The following NCKAP1L variants were observed in gnomAD, a reference collection of about 807,000 sequenced individuals.
NCKAP1L encodes nck-associated protein 1-like.
Under a neutral mutation model 139.2 loss-of-function variants are expected in NCKAP1L, and 53 were observed. That is an observed-to-expected ratio of 0.38 (90% CI 0.31 to 0.48). The LOEUF is 0.48. Ranked by LOEUF, NCKAP1L falls within the 20% of genes least tolerant of loss-of-function variation. The pLI, the probability that NCKAP1L is intolerant of heterozygous loss-of-function variation, is 0.98. For synonymous variants in NCKAP1L, 468 were observed against 499.7 expected, an observed-to-expected ratio of 0.94 and a Z score of 0.85; for missense variants, 1,151 against 1,381.9, an observed-to-expected ratio of 0.83 and a Z score of 2.65.
chr12:54,542,763 C>G lies in NCKAP1L; in HGVS notation c.*78C>G. ...ATAGTGGAAGCTGTGGTCACTTTCG[C>G]AGGGGGTGGGAATGGGGTGGGGTCA... is the stretch of plus-strand genomic sequence containing the variant. On this transcript the variant is annotated 3_prime_UTR_variant, in exon 31 of 31. Coordinates refer to ENST00000293373, the MANE Select transcript of NCKAP1L (RefSeq NM_005337.5). 3 of 777,608 alleles carry G rather than the reference C, an allele frequency of 3.9e-6. No individual in the cohort carries two copies. The highest frequency in any genetic ancestry group is 3.2e-5 in the East Asian group (1 of 31,660). The allele number at this position is 777,608 out of a possible 1,614,324, so 48.2% of individuals were successfully genotyped here.
intron 13 of NCKAP1L, 60 bp from the exon 14 acceptor site, chr12:54,518,591 C>T (rs1956953170): frequency 7.9e-7 from 1 of 1,271,304 alleles, no homozygotes; most frequent in African/African-American, 1.5e-5. Context: ...GCCTCATGGT[C>T]CTAGTTTCTG....
chr12:54,527,622 T>G (rs1317248776), intron 21 of NCKAP1L, among the ~76,000 whole-genome samples: 1 of 152,220 alleles, frequency 6.6e-6, no homozygotes, highest in Non-Finnish European at 1.5e-5. Flanking sequence ...TGTCAGCCGT[T>G]TCAGCGTAAA....
chr12:54,509,106 C>T (rs747232307), intron 5 of NCKAP1L, among the ~76,000 whole-genome samples: 1 of 152,064 alleles, frequency 6.6e-6, no homozygotes, highest in Non-Finnish European at 1.5e-5. Context: ...GTAACTAATG[C>T]GTGATAATAC....
intron 21 of NCKAP1L, among the ~76,000 whole-genome samples, chr12:54,527,476 A>G (rs1409965654): frequency 6.6e-6 from 1 of 152,136 alleles, no homozygotes; most frequent in Non-Finnish European, 1.5e-5. Context: ...TACCCCTCTA[A>G]AGGGAACAGC....
At chr12:54,498,926 T>TATTTA (rs1956773400) in intron 1 of NCKAP1L, 1 of 357,954 alleles carries the variant, frequency 2.8e-6, no homozygotes, top group African/African-American at 2.3e-5. Context: ...TTTATTTATT[T>TATTTA]ATTTATTTAT....
In NCKAP1L at chr12:54,526,671, G is replaced by A. The variant is rs1387544081; in HGVS notation, c.2300G>A (p.Arg767His). ...FLGADASRVI[R>H]NALLQQTQPL... is the part of the protein sequence containing the mutation. ...GGTGCAGATGCTTCCAGAGTCATCC[G>A]CAACGCCCTCCTGCAGCAGACACAA... Residue 767 changes from arginine (R) to histidine (H), a missense_variant, in exon 21 of 31, where the codon CGC (arginine) becomes CAC (histidine). Physicochemically the swap from Arg to His is conservative, Grantham distance 29. Transcript: ENST00000293373. 7 of 1,614,084 alleles carry A rather than the reference G, an allele frequency of 4.3e-6. No homozygotes were observed. The highest frequency in any genetic ancestry group is 5.9e-6 in the Non-Finnish European group (7 of 1,180,022).
rs542965883 is a variant in NCKAP1L, at chr12:54,532,061, G to T, written c.2782-109G>T. 10 of 905,092 alleles carry T rather than the reference G, an allele frequency of 1.1e-5. No homozygotes were observed. In the East Asian group the frequency reaches 2.4e-4, roughly 22 times the overall value. The allele number at this position is 905,092 out of a possible 1,614,324, so 56.1% of individuals were successfully genotyped here. On this transcript the variant is annotated intron_variant, in intron 25 of 30. Coordinates refer to ENST00000293373, the MANE Select transcript of NCKAP1L (RefSeq NM_005337.5). ...AGGGATGGCTTGGAAAGCTGGCTAG[G>T]TTCTTATCTAAATTGAGTGCCCCTC... is the stretch of plus-strand genomic sequence containing the variant.
At position 54,519,289 on chromosome 12, in the gene NCKAP1L, G is replaced by A. The variant is rs771766104; in HGVS notation, c.1582G>A (p.Val528Ile). Residue 528 changes from valine (V) to isoleucine (I), a missense_variant, in exon 16 of 31, where the codon GTA (valine) becomes ATA (isoleucine). By Grantham distance (29) the Val-to-Ile change is conservative. Coordinates refer to ENST00000293373, the MANE Select transcript of NCKAP1L (RefSeq NM_005337.5). Reference sequence around the variant, plus strand: ...CTTCCACTCCCGAATGCTGGACTCCGTAGAAAAATTGCTGGTGGAAACTTC... The same window carrying A: ...CTTCCACTCCCGAATGCTGGACTCCATAGAAAAATTGCTGGTGGAAACTTC... ...IVFHSRMLDS[V>I]EKLLVETSDL... The A allele has an allele frequency of 1.7e-5, 27 of 1,585,478 alleles. No homozygotes were observed. Among genetic ancestry groups the A allele is most frequent in the Middle Eastern group, 1.7e-4 (1 of 5,946 alleles).
intron 29 of NCKAP1L, among the ~76,000 whole-genome samples, chr12:54,537,376 T>C (rs543130807): frequency 6.6e-6 from 1 of 152,324 alleles, no homozygotes; most frequent in Non-Finnish European, 1.5e-5. Flanking sequence ...TATTTTCATA[T>C]ATAAAACAGT....
In NCKAP1L at chr12:54,545,551, T is replaced by G. The variant is rs1395804782; in HGVS notation, c.*2866T>G. 1 of 152,206 alleles carries G rather than the reference T, an allele frequency of 6.6e-6. No individual in the cohort carries two copies. Among genetic ancestry groups the G allele is most frequent in the African/African-American group, 2.4e-5 (1 of 41,454 alleles). 9.4% of individuals were successfully genotyped at this position (152,206 alleles called of 1,614,324 possible). On this transcript the variant is annotated 3_prime_UTR_variant, in exon 31 of 31. Coordinates refer to ENST00000293373, the MANE Select transcript of NCKAP1L (RefSeq NM_005337.5). The stretch of plus-strand genomic sequence containing the variant: ...GTCCAGAGGTGAAGGGACAGAGAAG[T>G]AACAGGACCCATCAGCATTTCAGGC...
In NCKAP1L at chr12:54,535,338, A is replaced by G. The variant is rs994029461; in HGVS notation, c.2956+141A>G. On this transcript the variant is annotated intron_variant, in intron 27 of 30. Transcript: ENST00000293373. ...AAGCTGGGAGTGAAGGAAGGACCCT[A>G]ACCTTCAGAAAATACTTACATAGGC... 1.2e-5 allele frequency: 7 copies of G among 597,876 alleles called. No homozygotes were observed. The African/African-American group carries it at 1.3e-4, about 11-fold the overall frequency. The allele number at this position is 597,876 out of a possible 1,614,324, so 37.0% of individuals were successfully genotyped here. A position where few individuals can be genotyped will look rare whatever the true frequency, so the allele number is the denominator to read the frequency against.
intron 19 of NCKAP1L, 91 bp from the exon 20 acceptor site, chr12:54,523,734 C>G: frequency 6.7e-7 from 1 of 1,499,040 alleles, no homozygotes; most frequent in African/African-American, 1.4e-5. Context: ...GGCTGAGTAT[C>G]CCTAGAAACT....
chr12:54,509,792 CA>C (rs745621214), intron 6 of NCKAP1L, 33 bp downstream of exon 6: 1 of 1,614,126 alleles, frequency 6.2e-7, no homozygotes, highest in Non-Finnish European at 8.5e-7. Flanking sequence ...ATTCCTCAGG[CA>C]AAAGTATATT....
At chr12:54,505,230 G>C (rs531027398) in intron 3 of NCKAP1L, among the ~76,000 whole-genome samples, 1 of 152,210 alleles carries the variant, frequency 6.6e-6, no homozygotes. Flanking sequence ...GCACATTTTG[G>C]GGGACAGCTA....
chr12:54,497,906 T>TG lies in NCKAP1L; in HGVS notation c.102+18dup. The TG allele has an allele frequency of 6.7e-7, 1 of 1,493,502 alleles. No homozygotes were observed. Among genetic ancestry groups the TG allele is most frequent in the Non-Finnish European group, 9.3e-7 (1 of 1,069,940 alleles). The allele number at this position is 1,493,502 out of a possible 1,614,324, so 92.5% of individuals were successfully genotyped here. The stretch of plus-strand genomic sequence containing the variant: ...ACATCAAGAAGGTAAGCATGAACAA[T>TG]GGGACTAGTACTGATTATTCCAACA... On this transcript the variant is annotated intron_variant, in intron 1 of 30. Transcript: ENST00000293373.
chr12:54,501,891 G>A (rs1565671381), intron 3 of NCKAP1L, among the ~76,000 whole-genome samples: 2 of 152,134 alleles, frequency 1.3e-5, no homozygotes, highest in South Asian at 2.1e-4. Context: ...CCACATCCTC[G>A]CCAACAATTG....
intron 22 of NCKAP1L, among the ~76,000 whole-genome samples, chr12:54,529,500 T>C (rs1367482666): frequency 1.3e-5 from 2 of 152,220 alleles, no homozygotes; most frequent in Non-Finnish European, 2.9e-5. Flanking sequence ...CCAGTGACGC[T>C]GTCCTCTCCA....
At chr12:54,511,520 T>A (rs532024736) in intron 7 of NCKAP1L, among the ~76,000 whole-genome samples, 3 of 152,316 alleles carry the variant, frequency 2.0e-5, no homozygotes, top group Admixed American at 2.0e-4. Context: ...GATCCTCCTA[T>A]CTCCTCCTCC....
chr12:54,528,250 C>T lies in NCKAP1L; in HGVS notation c.2379C>T (p.Tyr793=). The change falls in exon 22 of 31, where the codon TAC becomes TAT. Residue 793 remains tyrosine, a synonymous_variant. Coordinates refer to ENST00000293373, the MANE Select transcript of NCKAP1L (RefSeq NM_005337.5). ...QTITTLYTNW[Y]LESLLRQASS... Reference sequence around the variant, plus strand: ...GTTTTCTTGGCCAACCCTGTAGGTACCTGGAAAGTCTGCTTAGACAGGCAA... The same window carrying T: ...GTTTTCTTGGCCAACCCTGTAGGTATCTGGAAAGTCTGCTTAGACAGGCAA... 6.2e-7 allele frequency: 1 copy of T among 1,613,532 alleles called. No homozygotes were observed. The highest frequency in any genetic ancestry group is 2.2e-5 in the East Asian group (1 of 44,848).
Sources: gnomAD v4.1 joint callset for allele counts (sites outside exome capture counted in the v4.1 genomes callset) on GRCh38, gnomAD v4.1.1 for gene constraint, MANE v1.5 for transcripts, NCBI Gene and HGNC (gene_info 2026-07-23, HGNC 2026-07-21) for gene names.